Variants in ABCA1 observed in about 807,000 individuals in gnomAD.
ABCA1 encodes the protein phospholipid-transporting ATPase ABCA1.
In ABCA1, 133 loss-of-function variants were observed where a neutral mutation model predicts 262.5. The ratio of observed to expected loss-of-function variants is 0.51; its 90% CI spans 0.44 to 0.59. The LOEUF is 0.59. Among genes scored for constraint, ABCA1 ranks in the 20% least tolerant of loss-of-function variants. The pLI, the probability that ABCA1 is intolerant of heterozygous loss-of-function variation, is 0.00. For synonymous variants in ABCA1, 1,022 were observed against 1,043.5 expected, an observed-to-expected ratio of 0.98 and a Z score of 0.40; for missense variants, 2,452 against 2,777.5, an observed-to-expected ratio of 0.88 and a Z score of 2.63.
At chr9:104,824,361 G>T in intron 18 of ABCA1, 104 bp downstream of exon 18, 1 of 1,567,828 alleles carries the variant, frequency 6.4e-7, no homozygotes, top group Non-Finnish European at 8.6e-7. Flanking sequence ...CCCTGGAGTG[G>T]TTTCACAGTC....
At chr9:104,919,880 C>A (rs559974400) in intron 1 of ABCA1, among the ~76,000 whole-genome samples, 2 of 152,316 alleles carry the variant, frequency 1.3e-5, no homozygotes, top group African/African-American at 4.8e-5. Context: ...CCTCTCATTC[C>A]TTTCTTCTGT....
In ABCA1 at chr9:104,830,906, T is replaced by C; in HGVS notation, c.1892+19A>G. 6.2e-7 allele frequency: 1 copy of C among 1,613,350 alleles called. No individual in the cohort carries two copies. The highest frequency in any genetic ancestry group is 1.1e-5 in the South Asian group (1 of 90,994). On this transcript the variant is annotated intron_variant, in intron 14 of 49. Transcript: ENST00000374736. ...CACAGTATAAACTGGTTAAAAACAGTGGCTTGCAGGTAACTTACATGTCAT... is the reference window on the plus strand; with the variant it reads ...CACAGTATAAACTGGTTAAAAACAGCGGCTTGCAGGTAACTTACATGTCAT...
chr9:104,890,927 T>TAC (rs752149249), intron 2 of ABCA1, among the ~76,000 whole-genome samples: 4 of 152,312 alleles, frequency 2.6e-5, no homozygotes, highest in Admixed American at 1.3e-4. Context: ...TCTGTTAACA[T>TAC]CTTTTGTCTT....
chr9:104,818,962 G>T (rs372060785), intron 22 of ABCA1, 79 bp from the exon 23 acceptor site: 7 of 1,341,434 alleles, frequency 5.2e-6, no homozygotes, highest in Non-Finnish European at 1.0e-6. Context: ...GGACTAGAGA[G>T]ATATTAGCAG....
intron 24 of ABCA1, 126 bp from the exon 25 acceptor site, chr9:104,816,471 G>C: frequency 2.3e-6 from 2 of 877,928 alleles, no homozygotes; most frequent in Admixed American, 3.8e-5. Flanking sequence ...CAGGTGTTTA[G>C]GTCATTCCAC....
At chr9:104,835,660 ACAAGTCCCTCCAAGG>A (rs1833760046) in intron 11 of ABCA1, among the ~76,000 whole-genome samples, 2 of 152,152 alleles carry the variant, frequency 1.3e-5, no homozygotes, top group African/African-American at 4.8e-5. Flanking sequence ...AGCTTGACAC[ACAAGTCCCTCCAAGG>A]CATGCCCATG....
intron 19 of ABCA1, among the ~76,000 whole-genome samples, chr9:104,822,179 T>C (rs907902343): frequency 3.9e-5 from 6 of 152,182 alleles, no homozygotes; most frequent in African/African-American, 1.4e-4. Context: ...ACAGAGTTCC[T>C]GGGAATTACC....
chr9:104,854,932 C>T (rs1181569977), intron 7 of ABCA1, among the ~76,000 whole-genome samples: 1 of 152,194 alleles, frequency 6.6e-6, no homozygotes, highest in African/African-American at 2.4e-5. Context: ...AAATATTGCT[C>T]AATGCATGAG....
intron 2 of ABCA1, among the ~76,000 whole-genome samples, chr9:104,901,438 C>A (rs985880577): frequency 6.6e-6 from 1 of 152,098 alleles, no homozygotes; most frequent in African/African-American, 2.4e-5. Context: ...TATGATTCTT[C>A]CCACTACTCA....
At chr9:104,842,088 G>A (rs1834426933) in intron 8 of ABCA1, among the ~76,000 whole-genome samples, 1 of 152,160 alleles carries the variant, frequency 6.6e-6, no homozygotes, top group Non-Finnish European at 1.5e-5. Context: ...GTTCCTGTGA[G>A]TGGCGTGGTC....
At chr9:104,807,435 T>C (rs1688375160) in intron 30 of ABCA1, among the ~76,000 whole-genome samples, 1 of 152,202 alleles carries the variant, frequency 6.6e-6, no homozygotes, top group Non-Finnish European at 1.5e-5. Flanking sequence ...AATGATTTGA[T>C]TCAACAAGTC....
At chr9:104,837,638 G>A in intron 9 of ABCA1, 71 bp from the exon 10 acceptor site, 1 of 1,578,372 alleles carries the variant, frequency 6.3e-7, no homozygotes, top group Non-Finnish European at 8.6e-7. Context: ...AAGGGCTTTG[G>A]AGCCAGAGAG....
intron 5 of ABCA1, among the ~76,000 whole-genome samples, chr9:104,877,023 C>A (rs534521817): frequency 6.6e-6 from 1 of 152,290 alleles, no homozygotes; most frequent in South Asian, 2.1e-4. Flanking sequence ...CTAAGACCCC[C>A]AGAGAGGACC....
rs1033288474 is a variant in ABCA1 at position 104,832,470 on chromosome 9, A to T, written c.1509+104T>A. 5.7e-6 allele frequency: 7 copies of T among 1,234,002 alleles called. No individual in the cohort carries two copies. In the African/African-American group the frequency reaches 7.4e-5, roughly 13 times the overall value. 76.4% of individuals were successfully genotyped at this position (1,234,002 alleles called of 1,614,324 possible). A position where few individuals can be genotyped will look rare whatever the true frequency, so the allele number is the denominator to read the frequency against. On this transcript the variant is annotated intron_variant, in intron 12 of 49. Coordinates refer to ENST00000374736, the MANE Select transcript of ABCA1 (RefSeq NM_005502.4). ...CTTGAGGGATAGTTTTGTAAATGAG[A>T]CTATACATTATTTCTAAACTTGCCT...
chr9:104,898,788 C>T (rs1167236203), intron 2 of ABCA1, among the ~76,000 whole-genome samples: 1 of 152,078 alleles, frequency 6.6e-6, no homozygotes, highest in Non-Finnish European at 1.5e-5. Flanking sequence ...AGCCTCTGAT[C>T]TTTGCCTGGC....
chr9:104,854,680 C>A (rs1246736485), intron 7 of ABCA1, among the ~76,000 whole-genome samples: 1 of 152,182 alleles, frequency 6.6e-6, no homozygotes, highest in Non-Finnish European at 1.5e-5. Flanking sequence ...GCAAAATACA[C>A]CTTGCTGAGC....
intron 3 of ABCA1, among the ~76,000 whole-genome samples, chr9:104,885,748 G>C (rs1839118608): frequency 6.6e-6 from 1 of 152,140 alleles, no homozygotes; most frequent in Non-Finnish European, 1.5e-5. Flanking sequence ...CCCTGGACGA[G>C]GGGCTCTTAA....
intron 40 of ABCA1, 128 bp from the exon 41 acceptor site, chr9:104,793,428 G>T: frequency 7.5e-7 from 1 of 1,328,950 alleles, no homozygotes; most frequent in Non-Finnish European, 1.1e-6. Flanking sequence ...TATCACCCAT[G>T]ACAAGGAAAA....
At chr9:104,882,990 G>A (rs1383136232) in intron 5 of ABCA1, 49 bp downstream of exon 5, 3 of 1,463,572 alleles carry the variant, frequency 2.0e-6, no homozygotes, top group South Asian at 2.3e-5. Context: ...TTTCCCTGGT[G>A]CAGGTCAATT....
Sources: gnomAD v4.1 joint callset for allele counts (sites outside exome capture counted in the v4.1 genomes callset) on GRCh38, gnomAD v4.1.1 for gene constraint, MANE v1.5 for transcripts, NCBI Gene and HGNC (gene_info 2026-07-23, HGNC 2026-07-21) for gene names.